SH3PXD2A: variants seen among roughly 807,000 people sequenced by gnomAD.
The protein encoded by SH3PXD2A is SH3 and PX domains 2A.
In SH3PXD2A, 32 loss-of-function variants were observed where a neutral mutation model predicts 115.2. The ratio of observed to expected loss-of-function variants is 0.28; its 90% CI spans 0.21 to 0.37. SH3PXD2A has a LOEUF of 0.37. Among genes scored for constraint, SH3PXD2A ranks in the 10% least tolerant of loss-of-function variants. SH3PXD2A has a pLI of 1.00. For synonymous variants in SH3PXD2A, 610 were observed against 629.1 expected, an observed-to-expected ratio of 0.97 and a Z score of 0.45; for missense variants, 1,328 against 1,498.7, an observed-to-expected ratio of 0.89 and a Z score of 1.88.
chr10:103,827,205 C>T (rs1349460393), intron 1 of SH3PXD2A, among the ~76,000 whole-genome samples: 1 of 152,078 alleles, frequency 6.6e-6, no homozygotes, highest in Admixed American at 6.5e-5. Flanking sequence ...TACACCAAGG[C>T]GATGTATTTG....
chr10:103,625,945 A>C lies in SH3PXD2A; in HGVS notation c.718+1144T>G, dbSNP rs541977630. 7.7e-4 allele frequency among the ~76,000 whole-genome samples: 118 copies of C among 152,374 alleles called. 1 individual carries two copies. The highest frequency in any genetic ancestry group is 2.7e-3 in the African/African-American group (114 of 41,592). ...GGTAGGAGGTGAGGCTGGGGACTGC[A>C]GGCATATGAGACCAGACCTAGCTCA... is the stretch of plus-strand genomic sequence containing the variant. On this transcript the variant is annotated intron_variant, in intron 9 of 14. Transcript: ENST00000369774.
rs1270875271 is a variant in SH3PXD2A at position 103,627,545 on chromosome 10, T to C, written c.605-343A>G. Among the ~76,000 whole-genome samples, 1 of 152,242 alleles carries C rather than the reference T, an allele frequency of 6.6e-6. No homozygotes were observed. Among genetic ancestry groups the C allele is most frequent in the Admixed American group, 6.5e-5 (1 of 15,280 alleles). Reference sequence around the variant, plus strand: ...GAGCTCCGGCCATACAGAGAGACCATTTATGGTCTTTGAAACCCATTAGGA... The same window carrying C: ...GAGCTCCGGCCATACAGAGAGACCACTTATGGTCTTTGAAACCCATTAGGA... On this transcript the variant is annotated intron_variant, in intron 8 of 14. Transcript: ENST00000369774. The surrounding 1 kb of genome is among the most constrained non-coding windows in gnomAD (Gnocchi z 4.4).
chr10:103,808,060 C>T lies in SH3PXD2A; in HGVS notation c.73-6698G>A, dbSNP rs555114056. Among the ~76,000 whole-genome samples, 18 of 152,092 alleles carry T rather than the reference C, an allele frequency of 1.2e-4. No homozygotes were observed. The South Asian group carries it at 3.8e-3, about 32-fold the overall frequency. ...TGGGGGGGTTGGTAAGAAGGAGGCA[C>T]ATATACTCCAAATTAGTACAGGCTG... On this transcript the variant is annotated intron_variant, in intron 1 of 14. Coordinates refer to ENST00000369774, the MANE Select transcript of SH3PXD2A (RefSeq NM_001394015.1).
chr10:103,676,360 CG>C (rs1554909613), intron 6 of SH3PXD2A, among the ~76,000 whole-genome samples: 2 of 152,032 alleles, frequency 1.3e-5, no homozygotes, highest in Non-Finnish European at 2.9e-5. Context: ...CCTGCTCAGG[CG>C]GGGGATGGGG....
At chr10:103,763,684 C>T (rs2038724319) in intron 3 of SH3PXD2A, among the ~76,000 whole-genome samples, 1 of 152,168 alleles carries the variant, frequency 6.6e-6, no homozygotes, top group Admixed American at 6.5e-5. Flanking sequence ...CGGCTCCTCC[C>T]CTCAGTGCTG....
chr10:103,625,390 C>A (rs2036676693), intron 9 of SH3PXD2A, among the ~76,000 whole-genome samples: 1 of 152,212 alleles, frequency 6.6e-6, no homozygotes, highest in African/African-American at 2.4e-5. Context: ...TGTGGCACAG[C>A]AGAAAGGACC....
chr10:103,769,870 T>C (rs1441051223), intron 2 of SH3PXD2A, among the ~76,000 whole-genome samples: 1 of 152,226 alleles, frequency 6.6e-6, no homozygotes, highest in Non-Finnish European at 1.5e-5. Context: ...CAAAGGATTT[T>C]AAAAATTAAT....
At chr10:103,690,284 T>C (rs2037734074) in intron 6 of SH3PXD2A, among the ~76,000 whole-genome samples, 1 of 152,230 alleles carries the variant, frequency 6.6e-6, no homozygotes, top group South Asian at 2.1e-4. Flanking sequence ...TGCTTACATA[T>C]ATTAGTTTAT....
chr10:103,685,865 C>T (rs950410974), intron 6 of SH3PXD2A, among the ~76,000 whole-genome samples: 4 of 152,208 alleles, frequency 2.6e-5, no homozygotes, highest in South Asian at 2.1e-4. Context: ...TACGCCCTGT[C>T]GTCCCCTCCT....
chr10:103,736,725 T>C (rs1326821412), intron 3 of SH3PXD2A: 38 of 1,265,978 alleles, frequency 3.0e-5, no homozygotes, highest in South Asian at 2.1e-4. Context: ...CTGTGAGTTA[T>C]AGCACTTGTG....
At chr10:103,853,109 C>G (rs1842911051) in intron 1 of SH3PXD2A, among the ~76,000 whole-genome samples, 1 of 152,220 alleles carries the variant, frequency 6.6e-6, no homozygotes, top group Non-Finnish European at 1.5e-5. Context: ...TCCCTGCCCC[C>G]CCAAACATAA....
intron 9 of SH3PXD2A, 152 bp downstream of exon 9, chr10:103,626,937 T>C (rs2036706691): frequency 3.4e-6 from 2 of 590,094 alleles, no homozygotes; most frequent in African/African-American, 1.9e-5. Context: ...AGGTGAGCTT[T>C]TGGGCCAACC....
intron 3 of SH3PXD2A, chr10:103,754,927 C>A (rs115247894): frequency 1.3e-3 from 205 of 152,274 alleles, no homozygotes; most frequent in African/African-American, 4.5e-3. Context: ...ACACAGTAGA[C>A]CTCCTGTAGA....
chr10:103,769,171 T>A (rs867229668), intron 2 of SH3PXD2A, among the ~76,000 whole-genome samples: 1 of 105,234 alleles, frequency 9.5e-6, no homozygotes, highest in African/African-American at 4.9e-5. Flanking sequence ...TGTGTGTGTG[T>A]GTGTGTGTGT....
chr10:103,801,603 T>G (rs977591613), intron 1 of SH3PXD2A, among the ~76,000 whole-genome samples: 1 of 137,814 alleles, frequency 7.3e-6, no homozygotes, highest in Non-Finnish European at 1.5e-5. Context: ...ATGCCAACAA[T>G]GATTATCTTA....
chr10:103,679,714 G>A (rs986805270), intron 6 of SH3PXD2A, among the ~76,000 whole-genome samples: 2 of 152,238 alleles, frequency 1.3e-5, no homozygotes, highest in African/African-American at 4.8e-5. Flanking sequence ...TATTTGCAAG[G>A]TCCCCCTGGG....
intron 2 of SH3PXD2A, among the ~76,000 whole-genome samples, chr10:103,800,640 A>G (rs1276170486): frequency 1.3e-5 from 2 of 152,096 alleles, no homozygotes; most frequent in Admixed American, 6.5e-5. Flanking sequence ...CAATTGTAAA[A>G]CTATCACTTG....
intron 2 of SH3PXD2A, among the ~76,000 whole-genome samples, chr10:103,785,602 G>C (rs1043177280): frequency 6.6e-6 from 1 of 152,106 alleles, no homozygotes; most frequent in African/African-American, 2.4e-5. Context: ...CAGGAGGCAG[G>C]ACAGCCTCCC....
At chr10:103,682,481 G>C (rs975353671) in intron 6 of SH3PXD2A, among the ~76,000 whole-genome samples, 4 of 152,212 alleles carry the variant, frequency 2.6e-5, no homozygotes, top group African/African-American at 9.7e-5. Context: ...CCAGAGGCTG[G>C]CTGCGGTGGC....
Sources: gnomAD v4.1 joint callset for allele counts (sites outside exome capture counted in the v4.1 genomes callset) on GRCh38, gnomAD v4.1.1 for gene constraint, Gnocchi (gnomAD v3.1) non-coding constraint, MANE v1.5 for transcripts, NCBI Gene and HGNC (gene_info 2026-07-23, HGNC 2026-07-21) for gene names.